Variants in CANX observed in about 807,000 individuals in gnomAD.
CANX encodes calnexin, also known as epididymis secretory sperm binding protein.
A neutral mutation model predicts 75.7 loss-of-function variants in CANX; 14 were observed. The observed-to-expected ratio is 0.19, with a 90% CI of 0.12 to 0.29. CANX has a LOEUF of 0.29. Among genes scored for constraint, CANX ranks in the 10% least tolerant of loss-of-function variants. The probability of loss-of-function intolerance (pLI) is 1.00; values close to 1 mark genes in which losing one functional copy is unlikely to be tolerated. For missense variants in CANX, 567 were observed against 713.2 expected (o/e 0.79, Z 2.34); for synonymous variants, 227 against 236.9 (o/e 0.96, Z 0.38).
upstream of CANX, chr5:179,698,805 C>G (rs532636785): frequency 3.9e-4 from 260 of 675,102 alleles, 1 homozygote; most frequent in African/African-American, 4.2e-3. Context: ...CGAAGAATAG[C>G]CGTAGGGGGC....
chr5:179,730,702 C>G lies in CANX; in HGVS notation c.*2058C>G, dbSNP rs1778939761. The G allele has an allele frequency of 6.6e-6, 1 of 152,214 alleles. No homozygotes were observed. 9.4% of individuals were successfully genotyped at this position (152,214 alleles called of 1,614,324 possible). On this transcript the variant is annotated 3_prime_UTR_variant, in exon 15 of 15. Coordinates refer to ENST00000247461, the MANE Select transcript of CANX (RefSeq NM_001746.4). ...TTCAGTTATTTTGAAGGTCCAGCAT[C>G]CTGATTAAATGTCTGACACATTAAT... is the stretch of plus-strand genomic sequence containing the variant.
upstream of CANX, chr5:179,698,431 C>T: frequency 7.8e-7 from 1 of 1,282,466 alleles, no homozygotes; most frequent in Non-Finnish European, 1.0e-6. Flanking sequence ...CACGCCAATC[C>T]GGCCAGGCGC....
At chr5:179,695,958 G>C (rs890070838), upstream of CANX, among the ~76,000 whole-genome samples, 2 of 151,860 alleles carry the variant, frequency 1.3e-5, no homozygotes, top group African/African-American at 4.8e-5. Context: ...TTTTTAGACA[G>C]GGTGTTACTC....
intron 1 of CANX, among the ~76,000 whole-genome samples, chr5:179,689,131 A>G (rs150333459): frequency 2.6e-4 from 39 of 152,166 alleles, no homozygotes; most frequent in African/African-American, 8.7e-4. Context: ...GTGTGCGCCT[A>G]TAATCCCAGC....
intron 5 of CANX, 88 bp downstream of exon 5, chr5:179,708,468 A>G (rs962620991): frequency 1.9e-5 from 24 of 1,230,976 alleles, no homozygotes; most frequent in Middle Eastern, 4.0e-4. Context: ...TTAAAAAATT[A>G]TGAGATTATA....
upstream of CANX, chr5:179,694,666 C>T (rs1183403097): frequency 5.3e-6 from 4 of 761,292 alleles, no homozygotes; most frequent in Admixed American, 3.8e-5. Context: ...GATTCTAAGT[C>T]GAAAGGGAAG....
intron 8 of CANX, 49 bp from the exon 9 acceptor site, chr5:179,719,617 ACT>A (rs1778177900): frequency 1.0e-6 from 1 of 987,440 alleles, no homozygotes; most frequent in Admixed American, 1.9e-5. Flanking sequence ...ACAAAGTGGT[ACT>A]ATACTGTGAC....
chr5:179,701,111 C>T (rs1776725016), intron 1 of CANX: 1 of 151,954 alleles, frequency 6.6e-6, no homozygotes, highest in African/African-American at 2.4e-5. Flanking sequence ...CGTGATCCGC[C>T]CACCTCGGCC....
chr5:179,704,033 A>G (rs373623735), intron 1 of CANX: 1 of 152,144 alleles, frequency 6.6e-6, no homozygotes, highest in Admixed American at 6.6e-5. Flanking sequence ...TTAGTTGTGT[A>G]TCTTCTACTT....
At chr5:179,682,950 C>T (rs1304358710) in intron 1 of CANX, among the ~76,000 whole-genome samples, 5 of 152,174 alleles carry the variant, frequency 3.3e-5, no homozygotes, top group African/African-American at 9.6e-5. Flanking sequence ...GCCACGTGTG[C>T]GGACAGTGGA....
intron 1 of CANX, among the ~76,000 whole-genome samples, chr5:179,704,716 A>C (rs887621195): frequency 6.6e-6 from 1 of 152,018 alleles, no homozygotes; most frequent in African/African-American, 2.4e-5. Context: ...GGTGCCTGTA[A>C]TCACAGCTAC....
intron 10 of CANX, among the ~76,000 whole-genome samples, chr5:179,720,768 CTTTATTTATTTA>C (rs61478624): frequency 2.0e-5 from 3 of 151,462 alleles, no homozygotes; most frequent in East Asian, 3.9e-4. Flanking sequence ...CTTTCTTTAA[CTTTATTTATTTA>C]TTTATTTATT....
chr5:179,701,791 G>A (rs1776782449), intron 1 of CANX, among the ~76,000 whole-genome samples: 1 of 119,838 alleles, frequency 8.3e-6, no homozygotes, highest in African/African-American at 3.0e-5. Flanking sequence ...TCAGGCTGGA[G>A]TACAGTGGTG....
intron 1 of CANX, among the ~76,000 whole-genome samples, chr5:179,686,881 A>T (rs1776199360): frequency 6.6e-6 from 1 of 151,964 alleles, no homozygotes; most frequent in African/African-American, 2.4e-5. Flanking sequence ...GGGTTCAAGC[A>T]ATTCTCCTGC....
upstream of CANX, among the ~76,000 whole-genome samples, chr5:179,697,673 G>T (rs2113068187): frequency 6.6e-6 from 1 of 152,232 alleles, no homozygotes; most frequent in Non-Finnish European, 1.5e-5. Context: ...GTGGGAGGCA[G>T]AGGCAGGTCG....
At chr5:179,693,219 G>GA (rs1308732160) in intron 1 of CANX, among the ~76,000 whole-genome samples, 4 of 151,168 alleles carry the variant, frequency 2.6e-5, no homozygotes, top group Non-Finnish European at 5.9e-5. Context: ...ATTCACAAAG[G>GA]AAAAAAAATA....
chr5:179,710,572 G>A (rs1372908635), intron 7 of CANX, among the ~76,000 whole-genome samples: 2 of 150,464 alleles, frequency 1.3e-5, no homozygotes, highest in African/African-American at 4.9e-5. Flanking sequence ...GCCGGGCGTG[G>A]TGGTGGGCAC....
intron 1 of CANX, chr5:179,699,722 C>T (rs1472525460): frequency 6.6e-6 from 1 of 152,152 alleles, no homozygotes; most frequent in Admixed American, 6.6e-5. Flanking sequence ...GCAGGAAAGC[C>T]CCCGAAAGCT....
intron 1 of CANX, among the ~76,000 whole-genome samples, chr5:179,687,671 A>C (rs1234343998): frequency 6.6e-6 from 1 of 152,182 alleles, no homozygotes; most frequent in Non-Finnish European, 1.5e-5. Flanking sequence ...ATCAGAGCCC[A>C]GGAATATTTT....
Sources: gnomAD v4.1 joint callset for allele counts (sites outside exome capture counted in the v4.1 genomes callset) on GRCh38, gnomAD v4.1.1 for gene constraint, MANE v1.5 for transcripts, NCBI Gene and HGNC (gene_info 2026-07-23, HGNC 2026-07-21) for gene names.